Variants in LGMN observed in about 807,000 individuals in gnomAD.
LGMN encodes legumain.
In LGMN, 36 loss-of-function variants were observed where a neutral mutation model predicts 56.8. That is an observed-to-expected ratio of 0.63 (90% confidence interval 0.49 to 0.84). The LOEUF is 0.84. Among genes scored for constraint, LGMN ranks in the 40% least tolerant of loss-of-function variants. The probability of loss-of-function intolerance (pLI) is 0.00; values close to 1 mark genes in which losing one functional copy is unlikely to be tolerated. For missense variants in LGMN, 446 were observed against 556.1 expected (o/e 0.80, Z 1.99); for synonymous variants, 199 against 210.1 (o/e 0.95, Z 0.46).
At chr14:92,708,835 G>A (rs938143993) in intron 11 of LGMN, among the ~76,000 whole-genome samples, 3 of 117,360 alleles carry the variant, frequency 2.6e-5, no homozygotes, top group Admixed American at 1.2e-4. Context: ...CCAGCCTGGC[G>A]ACAGAGCAAG....
At chr14:92,713,444 G>A (rs939707702) in intron 7 of LGMN, among the ~76,000 whole-genome samples, 2 of 152,134 alleles carry the variant, frequency 1.3e-5, no homozygotes, top group Non-Finnish European at 2.9e-5. Flanking sequence ...CTCAAAGTGA[G>A]AATAAGATAG....
intron 1 of LGMN, chr14:92,741,142 G>C (rs1395906919): frequency 6.6e-6 from 1 of 151,166 alleles, no homozygotes; most frequent in Non-Finnish European, 1.5e-5. Flanking sequence ...AGCCAAGATT[G>C]TGCCACTGCA....
At chr14:92,729,479 C>CG (rs1890937171) in intron 2 of LGMN, among the ~76,000 whole-genome samples, 1 of 105,250 alleles carries the variant, frequency 9.5e-6, no homozygotes, top group Non-Finnish European at 2.0e-5. Flanking sequence ...CCCCCCCCCC[C>CG]GCCCCCGTTA....
intron 11 of LGMN, 55 bp from the exon 12 acceptor site, chr14:92,706,708 G>A (rs1173305175): frequency 4.1e-6 from 6 of 1,468,676 alleles, no homozygotes; most frequent in Non-Finnish European, 5.5e-6. Context: ...GTCTCTCAGG[G>A]ACCCAGGTGC....
intron 1 of LGMN, among the ~76,000 whole-genome samples, chr14:92,734,216 T>C (rs2140266617): frequency 6.6e-6 from 1 of 152,332 alleles, no homozygotes; most frequent in South Asian, 2.1e-4. Flanking sequence ...CTGAGAGCAA[T>C]GACCTGCCTA....
At chr14:92,712,574 T>C (rs1889837051) in intron 8 of LGMN, 6 of 538,380 alleles carry the variant, frequency 1.1e-5, no homozygotes, top group Admixed American at 9.8e-5. Flanking sequence ...TCAGTAGTTT[T>C]ACGAGAACCT....
At chr14:92,707,126 C>T (rs1889474036) in intron 11 of LGMN, among the ~76,000 whole-genome samples, 1 of 152,050 alleles carries the variant, frequency 6.6e-6, no homozygotes, top group Admixed American at 6.6e-5. Context: ...CACAGTGGCT[C>T]AGGCCTGTAC....
intron 7 of LGMN, among the ~76,000 whole-genome samples, chr14:92,713,230 T>G (rs867121226): frequency 7.9e-5 from 12 of 151,088 alleles, no homozygotes; most frequent in South Asian, 2.1e-4. Flanking sequence ...CCCATGCAGG[T>G]TTTTTTTTGT....
At chr14:92,730,879 G>A (rs1288664158) in intron 2 of LGMN, among the ~76,000 whole-genome samples, 3 of 151,226 alleles carry the variant, frequency 2.0e-5, no homozygotes, top group East Asian at 1.9e-4. Flanking sequence ...GCAGTGAGCC[G>A]AGATCGCGCC....
chr14:92,730,654 A>C (rs931720481), intron 2 of LGMN, among the ~76,000 whole-genome samples: 1 of 152,150 alleles, frequency 6.6e-6, no homozygotes, highest in African/African-American at 2.4e-5. Context: ...GGTTTAAAGA[A>C]GATATTAAGG....
At chr14:92,713,792 C>A in intron 7 of LGMN, 31 bp downstream of exon 7, 1 of 1,535,358 alleles carries the variant, frequency 6.5e-7, no homozygotes, top group South Asian at 1.1e-5. Context: ...CACCCCCCGC[C>A]CCCACAAGGC....
At chr14:92,731,924 T>C (rs1384291698) in intron 2 of LGMN, among the ~76,000 whole-genome samples, 1 of 152,228 alleles carries the variant, frequency 6.6e-6, no homozygotes, top group Non-Finnish European at 1.5e-5. Context: ...GAGGCTGGAC[T>C]TTTCATGGAC....
chr14:92,713,004 T>C (rs1889874599), intron 7 of LGMN, 133 bp from the exon 8 acceptor site: 6 of 682,066 alleles, frequency 8.8e-6, no homozygotes, highest in South Asian at 2.1e-5. Context: ...ACATTACTGC[T>C]GTAAAGAGGC....
At chr14:92,708,467 A>G (rs1052816771) in intron 11 of LGMN, among the ~76,000 whole-genome samples, 6 of 152,168 alleles carry the variant, frequency 3.9e-5, no homozygotes, top group African/African-American at 1.2e-4. Context: ...GCCCAAGACT[A>G]AAATGTCTGA....
chr14:92,718,981 A>C, intron 2 of LGMN, 137 bp from the exon 3 acceptor site: 1 of 592,452 alleles, frequency 1.7e-6, no homozygotes, highest in Non-Finnish European at 3.1e-6. Flanking sequence ...TTATTATTTT[A>C]AAACACATAC....
Position 92,714,285 on chromosome 14 carries a change from A to G in LGMN, c.480+91T>C, listed in dbSNP as rs896597779. 1 of 876,016 alleles carries G rather than the reference A, an allele frequency of 1.1e-6. No homozygotes were observed. Among genetic ancestry groups the G allele is most frequent in the African/African-American group, 1.7e-5 (1 of 60,040 alleles). 54.3% of individuals were successfully genotyped at this position (876,016 alleles called of 1,614,324 possible). ...ACGTACAAACCAACCCTGGCAGGACACTAGAAAATACACGCTATGGGTTTA... is the reference window on the plus strand; with the variant it reads ...ACGTACAAACCAACCCTGGCAGGACGCTAGAAAATACACGCTATGGGTTTA... On this transcript the variant is annotated intron_variant, in intron 6 of 13. Transcript: ENST00000334869. This position sits in a 1 kb window ranked among gnomAD's most constrained non-coding sequence, Gnocchi z 5.1.
Position 92,714,403 on chromosome 14 carries a change from A to G in LGMN, c.453T>C (p.Thr151=), listed in dbSNP as rs112014304. The change falls in exon 6 of 14, where the codon ACT becomes ACC. Residue 151 remains threonine, a synonymous_variant. Coordinates refer to ENST00000334869, the MANE Select transcript of LGMN (RefSeq NM_005606.7). The surrounding 1 kb of genome is among the most constrained non-coding windows in gnomAD (Gnocchi z 5.1). ...CTTCATTGGGAAAAACCAGTATTCCAGTAGATCCATGGTCAGTGAAGTAAA... is the reference window on the plus strand; with the variant it reads ...CTTCATTGGGAAAAACCAGTATTCCGGTAGATCCATGGTCAGTGAAGTAAA... ...VFIYFTDHGS[T]GILVFPNEDL... is the part of the protein sequence containing the mutation. 27 of 1,612,244 alleles carry G rather than the reference A, an allele frequency of 1.7e-5. No homozygotes were observed. Among genetic ancestry groups the G allele is most frequent in the African/African-American group, 9.3e-5 (7 of 75,016 alleles).
At position 92,704,688 on chromosome 14, in the gene LGMN, T is replaced by C. The variant is rs145149674; in HGVS notation, c.1211A>G (p.His404Arg). 2.0e-3 allele frequency: 3,199 copies of C among 1,613,494 alleles called. 8 individuals are homozygous for C. Among genetic ancestry groups the C allele is most frequent in the Non-Finnish European group, 2.5e-3 (2,953 of 1,179,380 alleles). Residue 404 changes from histidine to arginine, a missense_variant, in exon 13 of 14, where the codon CAT (histidine) becomes CGT (arginine). Transcript: ENST00000334869. The part of the protein sequence containing the change: ...HSPTYEYALR[H>R]LYVLVNLCEK... Reference sequence around the variant, plus strand: ...ACAAAGGTTGACCAGCACGTACAAATGTCTCAACGCATACTCGTACTGGGA... The same window carrying C: ...ACAAAGGTTGACCAGCACGTACAAACGTCTCAACGCATACTCGTACTGGGA...
chr14:92,716,050 G>T, intron 5 of LGMN, 86 bp downstream of exon 5: 1 of 875,838 alleles, frequency 1.1e-6, no homozygotes, highest in Non-Finnish European at 1.8e-6. Context: ...AAACAGGCTA[G>T]GGGCACAGAA....
Sources: allele counts gnomAD v4.1 joint callset (sites outside exome capture counted in the v4.1 genomes callset), GRCh38; gene constraint gnomAD v4.1.1; non-coding constraint Gnocchi (gnomAD v3.1); transcripts MANE v1.5; gene names NCBI Gene and HGNC (gene_info 2026-07-23, HGNC 2026-07-21).